Variants in SNX29 observed in about 807,000 individuals in gnomAD.
SNX29 encodes sorting nexin 29.
Under a neutral mutation model 102.1 loss-of-function variants are expected in SNX29, and 78 were observed. The observed-to-expected ratio is 0.76, with a 90% CI of 0.64 to 0.92. SNX29 has a LOEUF of 0.92. SNX29 is among the 40% of genes least tolerant of loss of function. The pLI, the probability that SNX29 is intolerant of heterozygous loss-of-function variation, is 0.00. For missense variants in SNX29, 1,280 were observed against 1,061.7 expected (o/e 1.21, Z -2.86); for synonymous variants, 580 against 414.5 (o/e 1.40, Z -4.85).
chr16:12,398,669 T>C (rs1274989615), intron 17 of SNX29, among the ~76,000 whole-genome samples, 168 bp downstream of exon 17: 2 of 151,958 alleles, frequency 1.3e-5, no homozygotes, highest in African/African-American at 2.4e-5. Context: ...AGCCTCAGTC[T>C]CGCCCTCAGA....
Position 12,409,451 on chromosome 16 carries a change from C to T in SNX29, c.2037+5922C>T, listed in dbSNP as rs1484594617. Reference sequence around the variant, plus strand: ...TTTTTTTTTTTTTTTTTTTTTGAGACGGAGTCTCGCTCTGTTACCCAGGCT... The same window carrying T: ...TTTTTTTTTTTTTTTTTTTTTGAGATGGAGTCTCGCTCTGTTACCCAGGCT... On this transcript the variant is annotated intron_variant, in intron 18 of 20. Coordinates refer to ENST00000566228, the MANE Select transcript of SNX29 (RefSeq NM_032167.5). Among the ~76,000 whole-genome samples, 9 of 103,186 alleles carry T rather than the reference C, an allele frequency of 8.7e-5. No individual in the cohort carries two copies. The South Asian group carries it at 1.4e-3, about 16-fold the overall frequency. 67.7% of individuals were successfully genotyped at this position (103,186 alleles called of 152,430 possible).
At chr16:12,267,863 T>G (rs1193254112) in intron 14 of SNX29, among the ~76,000 whole-genome samples, 1 of 152,186 alleles carries the variant, frequency 6.6e-6, no homozygotes, top group East Asian at 1.9e-4. Context: ...GCTGCTTGTT[T>G]TGCTCAGAAT....
chr16:12,531,538 G>A (rs1794304), intron 20 of SNX29, among the ~76,000 whole-genome samples: 51,676 of 151,928 alleles, frequency 0.34, 9,345 homozygotes, highest in East Asian at 0.6. Flanking sequence ...CATCTGCCCC[G>A]TGGTCCTCAT....
chr16:12,553,666 C>T (rs529588239), intron 20 of SNX29, among the ~76,000 whole-genome samples: 2 of 148,040 alleles, frequency 1.4e-5, no homozygotes, highest in South Asian at 2.1e-4. Context: ...TCTTGGCTCA[C>T]TGCAACCTCC....
At chr16:12,407,205 C>T (rs931076330) in intron 18 of SNX29, among the ~76,000 whole-genome samples, 1 of 152,200 alleles carries the variant, frequency 6.6e-6, no homozygotes, top group Non-Finnish European at 1.5e-5. Context: ...CTTCCAGCTC[C>T]TTGGAAGAGG....
intron 1 of SNX29, among the ~76,000 whole-genome samples, chr16:11,994,665 C>A (rs1011540659): frequency 6.6e-6 from 1 of 152,162 alleles, no homozygotes; most frequent in Non-Finnish European, 1.5e-5. Context: ...AATGACTTAG[C>A]CTGTGGTTGG....
intron 14 of SNX29, among the ~76,000 whole-genome samples, chr16:12,244,109 C>G (rs369514498): frequency 2.0e-4 from 30 of 152,268 alleles, no homozygotes; most frequent in African/African-American, 6.7e-4. Flanking sequence ...CTCTGAGATT[C>G]TAATGCCACC....
intron 2 of SNX29, 39 bp from the exon 3 acceptor site, chr16:12,002,952 T>C (rs746764495): frequency 6.2e-7 from 1 of 1,613,824 alleles, no homozygotes; most frequent in East Asian, 2.2e-5. Flanking sequence ...GAGTGTCCCA[T>C]CCCAACAGCT....
intron 19 of SNX29, among the ~76,000 whole-genome samples, chr16:12,517,298 T>A (rs2089908832): frequency 6.6e-6 from 1 of 152,170 alleles, no homozygotes; most frequent in Non-Finnish European, 1.5e-5. Context: ...TCATGGCCCT[T>A]TAAGAGCTGG....
chr16:11,977,820 C>G (rs2055336167), intron 1 of SNX29: 1 of 152,234 alleles, frequency 6.6e-6, no homozygotes, highest in Non-Finnish European at 1.5e-5. Context: ...ATGGGAGTGA[C>G]TCAGGGAAGC....
At chr16:12,219,330 A>T (rs565786219) in intron 14 of SNX29, among the ~76,000 whole-genome samples, 1 of 152,104 alleles carries the variant, frequency 6.6e-6, no homozygotes, top group African/African-American at 2.4e-5. Flanking sequence ...GCCCACAGTA[A>T]GAAATACTCT....
rs149352429 is a variant in SNX29, at chr16:12,481,395, T to TACACACAC, written c.2178+3546_2178+3553dup. On this transcript the variant is annotated intron_variant, in intron 19 of 20. Coordinates refer to ENST00000566228, the MANE Select transcript of SNX29 (RefSeq NM_032167.5). ...TGTCTTTTATACATATATATATATA[T>TACACACAC]ACACACACACACACACATATACATA... is the stretch of plus-strand genomic sequence containing the variant. Among the ~76,000 whole-genome samples, 10 of 149,830 alleles carry TACACACAC rather than the reference T, an allele frequency of 6.7e-5. No individual in the cohort carries two copies. In the East Asian group the frequency reaches 1.4e-3, roughly 21 times the overall value.
chr16:12,533,796 A>T (rs1302237173), intron 20 of SNX29, among the ~76,000 whole-genome samples: 4 of 152,186 alleles, frequency 2.6e-5, no homozygotes, highest in Non-Finnish European at 1.5e-5. Context: ...TGCAGCTCAT[A>T]GGCCCCATCA....
At chr16:12,380,078 C>T (rs1374500897) in intron 16 of SNX29, among the ~76,000 whole-genome samples, 1 of 151,146 alleles carries the variant, frequency 6.6e-6, no homozygotes, top group African/African-American at 2.5e-5. Flanking sequence ...GCTGCCAATG[C>T]CCTAATTTCT....
At chr16:12,505,750 C>G (rs74009107) in intron 19 of SNX29, among the ~76,000 whole-genome samples, 4,625 of 89,562 alleles carry the variant, frequency 0.052, 286 homozygotes, top group African/African-American at 0.18. Context: ...TTTGGATCAC[C>G]TTGTCAATTC....
chr16:12,266,686 G>GAAAAA (rs59509183), intron 14 of SNX29, among the ~76,000 whole-genome samples: 1,855 of 130,752 alleles, frequency 0.014, 46 homozygotes, highest in African/African-American at 0.019. Flanking sequence ...ATCTATTATT[G>GAAAAA]AAAAAAAAAA....
rs537141020 is a variant in SNX29, at chr16:12,316,122, C to G, written c.1782+38086C>G. ...GTACAAAGATCTAGGAGGGGAGCAT[C>G]CCAGGCAGAGAGACAGCAAAGGTGA... is the stretch of plus-strand genomic sequence containing the variant. On this transcript the variant is annotated intron_variant, in intron 15 of 20. Coordinates refer to ENST00000566228, the MANE Select transcript of SNX29 (RefSeq NM_032167.5). 2.6e-5 allele frequency among the ~76,000 whole-genome samples: 4 copies of G among 152,236 alleles called. No individual in the cohort carries two copies. The East Asian group carries it at 7.7e-4, about 29-fold the overall frequency.
intron 20 of SNX29, among the ~76,000 whole-genome samples, chr16:12,558,418 A>G (rs781652337): frequency 4.6e-5 from 7 of 152,236 alleles, no homozygotes; most frequent in Non-Finnish European, 8.8e-5. Context: ...AAGTGGTGAA[A>G]GCTGACATCT....
chr16:12,538,501 T>C (rs1215681970), intron 20 of SNX29, among the ~76,000 whole-genome samples: 6 of 152,170 alleles, frequency 3.9e-5, no homozygotes, highest in African/African-American at 1.4e-4. Context: ...CTATGATACT[T>C]TGTTGGTATG....
Sources: allele counts gnomAD v4.1 joint callset (sites outside exome capture counted in the v4.1 genomes callset), GRCh38; gene constraint gnomAD v4.1.1; transcripts MANE v1.5; gene names NCBI Gene and HGNC (gene_info 2026-07-23, HGNC 2026-07-21).